The following RANBP2 variants were observed in gnomAD, a reference collection of about 807,000 sequenced individuals.
RANBP2 encodes the protein RAN binding protein 2.
In RANBP2, 57 loss-of-function variants were observed where a neutral mutation model predicts 303.6. That is an observed-to-expected ratio of 0.19 (90% CI 0.15 to 0.23). The LOEUF is 0.23. Ranked by LOEUF, RANBP2 falls within the 10% of genes least tolerant of loss-of-function variation. The pLI is 1.00. For synonymous variants in RANBP2, 1,167 were observed against 1,301.5 expected, an observed-to-expected ratio of 0.90 and a Z score of 2.23; for missense variants, 3,138 against 3,780.8, an observed-to-expected ratio of 0.83 and a Z score of 4.46.
At chr2:109,584,555 T>C in the RANBP2 span, among the ~76,000 whole-genome samples, 1 of 151,970 alleles carries the variant, frequency 6.6e-6, no homozygotes, top group Admixed American at 6.6e-5. Context: ...CCAATCCTTT[T>C]CCCCCTTTCA....
At chr2:108,992,833 T>C in the RANBP2 span, among the ~76,000 whole-genome samples, 5 of 152,352 alleles carry the variant, frequency 3.3e-5, no homozygotes, top group East Asian at 9.7e-4. Context: ...CGTGGCACAG[T>C]GGCTCCCAGG....
At chr2:109,520,548 C>T in the RANBP2 span, among the ~76,000 whole-genome samples, 3 of 142,088 alleles carry the variant, frequency 2.1e-5, no homozygotes, top group South Asian at 2.2e-4. Context: ...TGCAGTGAGC[C>T]GAGATGGTGC....
chr2:108,982,480 A>C, the RANBP2 span, among the ~76,000 whole-genome samples: 1 of 152,248 alleles, frequency 6.6e-6, no homozygotes, highest in Non-Finnish European at 1.5e-5. Context: ...TTATTCTGTA[A>C]ACATAAGGAG....
the RANBP2 span, among the ~76,000 whole-genome samples, chr2:109,761,356 C>T: frequency 6.6e-6 from 1 of 151,170 alleles, no homozygotes; most frequent in East Asian, 2.0e-4. Flanking sequence ...AGGCCTTAGC[C>T]CAGGGAGACT....
At chr2:109,474,985 G>T in the RANBP2 span, among the ~76,000 whole-genome samples, 7 of 151,708 alleles carry the variant, frequency 4.6e-5, no homozygotes, top group South Asian at 8.3e-4. Flanking sequence ...TTGTTTGTTT[G>T]TTTGTTTTTT....
the RANBP2 span, among the ~76,000 whole-genome samples, chr2:109,489,423 C>G: frequency 1.3e-5 from 2 of 152,218 alleles, no homozygotes; most frequent in African/African-American, 4.8e-5. Flanking sequence ...CAACCAGACC[C>G]CAGCGTGGCT....
chr2:109,289,366 GT>G, the RANBP2 span, among the ~76,000 whole-genome samples: 1 of 152,208 alleles, frequency 6.6e-6, no homozygotes, highest in Non-Finnish European at 1.5e-5. Flanking sequence ...ATTTCAGACA[GT>G]TCCTTGCATC....
the RANBP2 span, among the ~76,000 whole-genome samples, chr2:109,658,393 C>G: frequency 6.6e-6 from 1 of 151,776 alleles, no homozygotes; most frequent in African/African-American, 2.4e-5. Context: ...TTGTAGTGAG[C>G]CAAGATCATG....
At chr2:109,620,020 C>T in the RANBP2 span, among the ~76,000 whole-genome samples, 1 of 152,148 alleles carries the variant, frequency 6.6e-6, no homozygotes, top group African/African-American at 2.4e-5. Flanking sequence ...TCAATCTTCT[C>T]TTTAAATGTC....
At chr2:109,406,776 T>C in the RANBP2 span, among the ~76,000 whole-genome samples, 1 of 152,110 alleles carries the variant, frequency 6.6e-6, no homozygotes, top group African/African-American at 2.4e-5. Flanking sequence ...TCCAGGACCA[T>C]AGCAGGGGCA....
chr2:108,896,672 T>A, the RANBP2 span: 1 of 554,836 alleles, frequency 1.8e-6, no homozygotes. Flanking sequence ...AGTAGATATT[T>A]ACTCTGCCTG....
the RANBP2 span, among the ~76,000 whole-genome samples, chr2:109,424,975 T>C: frequency 6.6e-6 from 1 of 152,176 alleles, no homozygotes; most frequent in African/African-American, 2.4e-5. Flanking sequence ...CAAACAGTTA[T>C]CTAAGTTGTC....
chr2:108,815,839 A>G, the RANBP2 span: 2 of 961,990 alleles, frequency 2.1e-6, no homozygotes, highest in Middle Eastern at 3.3e-4. Context: ...TTAGTGAATT[A>G]CTTTAGTCAA....
the RANBP2 span, among the ~76,000 whole-genome samples, chr2:109,291,519 G>A: frequency 1.3e-5 from 2 of 152,222 alleles, no homozygotes; most frequent in Non-Finnish European, 2.9e-5. Context: ...AGGAGCGCTT[G>A]TGAGATGCAC....
chr2:108,858,382 GC>G, the RANBP2 span, among the ~76,000 whole-genome samples: 1 of 152,162 alleles, frequency 6.6e-6, no homozygotes, highest in Non-Finnish European at 1.5e-5. Flanking sequence ...CCAACGCTGT[GC>G]CCTTGTTGTT....
At chr2:109,572,739 C>A in the RANBP2 span, among the ~76,000 whole-genome samples, 2 of 151,494 alleles carry the variant, frequency 1.3e-5, no homozygotes, top group Admixed American at 6.6e-5. Flanking sequence ...GCCTCAGCCT[C>A]CTGAGTAGCT....
At chr2:109,439,561 G>A in the RANBP2 span, among the ~76,000 whole-genome samples, 1 of 152,164 alleles carries the variant, frequency 6.6e-6, no homozygotes, top group Non-Finnish European at 1.5e-5. Flanking sequence ...CAGGCAGTTT[G>A]ACAAAGGCTT....
the RANBP2 span, among the ~76,000 whole-genome samples, chr2:109,537,358 A>G: frequency 6.6e-6 from 1 of 152,318 alleles, no homozygotes; most frequent in South Asian, 2.1e-4. Context: ...TAATTTCCTA[A>G]TATTAAAACC....
the RANBP2 span, among the ~76,000 whole-genome samples, chr2:109,113,012 T>C: frequency 6.6e-6 from 1 of 152,154 alleles, no homozygotes; most frequent in Non-Finnish European, 1.5e-5. Context: ...TTGGTACCAG[T>C]ACCATGCTGT....
Sources: allele counts gnomAD v4.1 joint callset (sites outside exome capture counted in the v4.1 genomes callset), GRCh38; gene constraint gnomAD v4.1.1; transcripts MANE v1.5; gene names NCBI Gene and HGNC (gene_info 2026-07-23, HGNC 2026-07-21).